Variants in SP140 observed in about 807,000 individuals in gnomAD.
The protein encoded by SP140 is SP140 nuclear body protein, also known as nuclear body protein SP140.
A neutral mutation model predicts 125.0 loss-of-function variants in SP140; 81 were observed. The observed-to-expected ratio is 0.65, with a 90% CI of 0.54 to 0.78. SP140 has a LOEUF of 0.78. SP140 is among the 30% of genes least tolerant of loss of function. SP140 has a pLI of 0.00. For synonymous variants in SP140, 312 were observed against 354.0 expected (o/e 0.88, Z 1.33); for missense variants, 858 against 1,037.0 (o/e 0.83, Z 2.37).
At position 230,211,451 on chromosome 2, in the gene SP140, T is replaced by C. The variant is rs180811113; in HGVS notation, c.-322-2203T>C. On this transcript the variant is annotated intron_variant, in intron 1 of 4. Coordinates refer to the SP140 transcript ENST00000456542. This position sits in a 1 kb window ranked among gnomAD's most constrained non-coding sequence, Gnocchi z 4.2. The stretch of plus-strand genomic sequence containing the variant: ...ACAGAAACAAAGGCAAGCTTTTAGG[T>C]TGACCAAACCAAGATTACCTGGCAT... The C allele has an allele frequency of 6.2e-5, 93 of 1,507,632 alleles. No homozygotes were observed. The highest frequency in any genetic ancestry group is 7.8e-5 in the Non-Finnish European group (84 of 1,083,006). 93.4% of individuals were successfully genotyped at this position (1,507,632 alleles called of 1,614,324 possible). A position where few individuals can be genotyped will look rare whatever the true frequency, so the allele number is the denominator to read the frequency against.
At chr2:230,310,177 A>G in intron 23 of SP140, 138 bp downstream of exon 23, 1 of 767,922 alleles carries the variant, frequency 1.3e-6, no homozygotes. Context: ...CAGCAGTGTG[A>G]TCCAGAGAGC....
At chr2:230,250,852 A>G in intron 9 of SP140, 129 bp from the exon 10 acceptor site, 3 of 918,170 alleles carry the variant, frequency 3.3e-6, no homozygotes, top group Non-Finnish European at 3.3e-6. Context: ...GAACCCACCT[A>G]CAGAACCCAC....
At chr2:230,212,732 A>G in intron 1 of SP140, 1 of 1,613,150 alleles carries the variant, frequency 6.2e-7, no homozygotes, top group Non-Finnish European at 8.5e-7. Flanking sequence ...CTGAGGATAT[A>G]CAGGTGTTGG....
upstream of SP140, among the ~76,000 whole-genome samples, chr2:230,198,594 G>A (rs1340464778): frequency 6.7e-6 from 1 of 148,734 alleles, no homozygotes; most frequent in Non-Finnish European, 1.5e-5. Flanking sequence ...TAAAATGATA[G>A]AATTTTTTTT....
chr2:230,250,976 T>C lies in SP140; in HGVS notation c.977-5T>C. On this transcript the variant is annotated splice_region_variant and splice_polypyrimidine_tract_variant and intron_variant, in intron 9 of 26. Coordinates refer to ENST00000392045, the MANE Select transcript of SP140 (RefSeq NM_007237.5). ...TTTCTTGAGGGATTTCTTTTCTTTC[T>C]GCAGAGGGCAGTGATGACTGTTCAG... 6.2e-7 allele frequency: 1 copy of C among 1,613,634 alleles called. No homozygotes were observed. The highest frequency in any genetic ancestry group is 8.5e-7 in the Non-Finnish European group (1 of 1,179,626).
intron 22 of SP140, among the ~76,000 whole-genome samples, chr2:230,300,183 C>T (rs942157261): frequency 2.0e-5 from 3 of 152,080 alleles, no homozygotes; most frequent in Non-Finnish European, 4.4e-5. Context: ...ACCTCCTCGC[C>T]GAAGGTCAGC....
At chr2:230,196,087 G>A in the SP140 span, among the ~76,000 whole-genome samples, 1 of 152,174 alleles carries the variant, frequency 6.6e-6, no homozygotes, top group East Asian at 1.9e-4. Flanking sequence ...CATTGAGGAT[G>A]TAGGAAATGA....
upstream of SP140, among the ~76,000 whole-genome samples, chr2:230,222,220 A>AT (rs994605006): frequency 8.8e-5 from 13 of 147,670 alleles, no homozygotes; most frequent in African/African-American, 3.0e-4. Flanking sequence ...ACAGAGTGAG[A>AT]TCCCGCCTCA....
At chr2:230,198,064 A>C in the SP140 span, among the ~76,000 whole-genome samples, 1 of 152,216 alleles carries the variant, frequency 6.6e-6, no homozygotes, top group Non-Finnish European at 1.5e-5. Flanking sequence ...TTAACATTGA[A>C]AAGTGTATTT....
At chr2:230,307,988 TATAC>T (rs1487833353) in intron 22 of SP140, among the ~76,000 whole-genome samples, 1,740 of 74,182 alleles carry the variant, frequency 0.023, 18 homozygotes, top group East Asian at 0.1. Flanking sequence ...TATATATATA[TATAC>T]ACACACACAC....
intron 11 of SP140, among the ~76,000 whole-genome samples, chr2:230,254,244 G>C (rs1256991776): frequency 6.6e-6 from 1 of 152,192 alleles, no homozygotes; most frequent in African/African-American, 2.4e-5. Context: ...AAAGGAGCGG[G>C]TTGAGGGCCT....
At position 230,293,283 on chromosome 2, in the gene SP140, A is replaced by G. The variant is rs116191380; in HGVS notation, c.1968+495A>G. Among the ~76,000 whole-genome samples the G allele has an allele frequency of 7.4e-3, 1,132 of 152,318 alleles. 12 individuals are homozygous for G. The highest frequency in any genetic ancestry group is 0.017 in the Middle Eastern group (5 of 294). ...AGTTTAAACCTGTAATTGAGATAACAAGGATTCAGTGAAATCTTCTAGGAT... is the reference window on the plus strand; with the variant it reads ...AGTTTAAACCTGTAATTGAGATAACGAGGATTCAGTGAAATCTTCTAGGAT... On this transcript the variant is annotated intron_variant, in intron 20 of 26. Coordinates refer to ENST00000392045, the MANE Select transcript of SP140 (RefSeq NM_007237.5).
At chr2:230,282,355 G>A (rs556729443) in intron 15 of SP140, among the ~76,000 whole-genome samples, 2 of 152,288 alleles carry the variant, frequency 1.3e-5, no homozygotes, top group Admixed American at 6.5e-5. Context: ...TCTGAGGCAC[G>A]TAGAAATGCC....
chr2:230,232,819 G>C (rs1327378591), intron 1 of SP140, among the ~76,000 whole-genome samples: 5 of 152,104 alleles, frequency 3.3e-5, no homozygotes, highest in African/African-American at 1.2e-4. Context: ...AGAAGCTAAG[G>C]ACTGGAAGTA....
At chr2:230,199,977 C>T (rs1296329210), upstream of SP140, among the ~76,000 whole-genome samples, 1 of 152,122 alleles carries the variant, frequency 6.6e-6, no homozygotes, top group Non-Finnish European at 1.5e-5. Context: ...TAATCCTTTC[C>T]ATATCTTAAT....
rs775736425 is a variant in SP140 at position 230,312,573 on chromosome 2, A to C, written c.2506-13A>C. ...GATGAGGAGCATTGTTTTTGTCTTTATTATTTTTTCAGTACAAGGATTTTG... is the reference window on the plus strand; with the variant it reads ...GATGAGGAGCATTGTTTTTGTCTTTCTTATTTTTTCAGTACAAGGATTTTG... On this transcript the variant is annotated splice_polypyrimidine_tract_variant and intron_variant, in intron 26 of 26. Transcript: ENST00000392045. 1.0e-5 allele frequency: 16 copies of C among 1,562,854 alleles called. No homozygotes were observed. The South Asian group carries it at 1.8e-4, about 18-fold the overall frequency.
At chr2:230,221,673 G>T, upstream of SP140, 1 of 1,534,210 alleles carries the variant, frequency 6.5e-7, no homozygotes, top group Non-Finnish European at 8.7e-7. Flanking sequence ...AGGAATTAAG[G>T]TTATTTTATG....
chr2:230,215,845 C>T lies in SP140; in HGVS notation c.-91+1771C>T, dbSNP rs9967748. On this transcript the variant is annotated intron_variant, in intron 3 of 4. Coordinates refer to the SP140 transcript ENST00000456542. ...CCATTTACAATTGAGAGTAGTGTTACGGAGGGAAAGCATAGATTGCTATGG... is the reference window on the plus strand; with the variant it reads ...CCATTTACAATTGAGAGTAGTGTTATGGAGGGAAAGCATAGATTGCTATGG... 7.1e-3 allele frequency among the ~76,000 whole-genome samples: 1,078 copies of T among 152,104 alleles called. 12 individuals carry two copies. Among genetic ancestry groups the T allele is most frequent in the African/African-American group, 0.024 (1,001 of 41,472 alleles).
At chr2:230,310,565 G>C (rs372894056) in intron 23 of SP140, among the ~76,000 whole-genome samples, 178 bp from the exon 24 acceptor site, 1 of 152,048 alleles carries the variant, frequency 6.6e-6, no homozygotes, top group South Asian at 2.1e-4. Context: ...CCACTGATGC[G>C]AGGGAAAGGC....
Sources: allele counts gnomAD v4.1 joint callset (sites outside exome capture counted in the v4.1 genomes callset), GRCh38; gene constraint gnomAD v4.1.1; non-coding constraint Gnocchi (gnomAD v3.1); transcripts MANE v1.5; gene names NCBI Gene and HGNC (gene_info 2026-07-23, HGNC 2026-07-21).